Variants in LARP4B observed in about 807,000 individuals in gnomAD.
LARP4B encodes the protein la-related protein 4B.
Under a neutral mutation model 89.8 loss-of-function variants are expected in LARP4B, and 12 were observed. The ratio of observed to expected loss-of-function variants is 0.13; its 90% CI spans 0.09 to 0.22. LARP4B has a LOEUF of 0.22. Among genes scored for constraint, LARP4B ranks in the 10% least tolerant of loss-of-function variants. The pLI is 1.00. For missense variants in LARP4B, 757 were observed against 947.7 expected (o/e 0.80, Z 2.64); for synonymous variants, 367 against 363.3 (o/e 1.01, Z -0.12).
At chr10:921,329 T>C (rs968120311) in intron 1 of LARP4B, among the ~76,000 whole-genome samples, 7 of 152,152 alleles carry the variant, frequency 4.6e-5, no homozygotes, top group African/African-American at 1.7e-4. Context: ...CCAGCATTTA[T>C]TTGCCTTGCT....
intron 11 of LARP4B, among the ~76,000 whole-genome samples, 175 bp downstream of exon 11, chr10:829,210 T>C (rs563074141): frequency 1.1e-4 from 17 of 152,362 alleles, no homozygotes; most frequent in African/African-American, 4.1e-4. Flanking sequence ...TCCAAAGTTC[T>C]TTATGCATAA....
chr10:929,275 T>C (rs1449250730), intron 1 of LARP4B, among the ~76,000 whole-genome samples: 6 of 152,154 alleles, frequency 3.9e-5, no homozygotes, highest in Admixed American at 1.3e-4. Flanking sequence ...TGCTAATAGA[T>C]TGACAGCTAC....
At chr10:942,271 G>A in the LARP4B span, 6 of 152,212 alleles carry the variant, frequency 3.9e-5, no homozygotes, top group East Asian at 1.2e-3. Context: ...GAATATGGGG[G>A]TGTTGTAGGG....
rs745342799 is a variant in LARP4B at position 812,954 on chromosome 10, T to C, written c.2189A>G (p.Gln730Arg). ...CTGAGGAGACTTGGGGGGAGTGCTC[T>C]GCTCTCGGCTGAGACGCTTCCCCAT... ...SAMGKRLSRE[Q>R]STPPKSPQ Residue 730 changes from glutamine (Q) to arginine (R), a missense_variant, in exon 18 of 18, where the codon CAG becomes CGG. By Grantham distance (43) the Gln-to-Arg change is conservative. Around this residue, in one of 5 missense-constraint regions of LARP4B, gnomAD observed 387 missense variants for 423.6 expected, o/e 0.91. Coordinates refer to ENST00000316157, the MANE Select transcript of LARP4B (RefSeq NM_015155.3). 22 of 1,558,380 alleles carry C rather than the reference T, an allele frequency of 1.4e-5. No homozygotes were observed. In the East Asian group the frequency reaches 4.9e-4, roughly 35 times the overall value.
chr10:902,691 C>CTGGA (rs1157681339), intron 1 of LARP4B, among the ~76,000 whole-genome samples: 1 of 149,174 alleles, frequency 6.7e-6, no homozygotes, highest in African/African-American at 2.5e-5. Context: ...GTTGCCCAGG[C>CTGGA]TGGAGCGCAA....
intron 5 of LARP4B, among the ~76,000 whole-genome samples, chr10:848,867 T>C (rs1282763456): frequency 6.6e-6 from 1 of 152,176 alleles, no homozygotes; most frequent in Non-Finnish European, 1.5e-5. Context: ...CGCCATGACA[T>C]GGACAAACAC....
At chr10:881,854 C>T (rs146689366) in intron 3 of LARP4B, among the ~76,000 whole-genome samples, 5 of 152,296 alleles carry the variant, frequency 3.3e-5, no homozygotes, top group South Asian at 2.1e-4. Flanking sequence ...TCCTCGAAGA[C>T]GTGTATCTCA....
chr10:971,895 C>T, the LARP4B span: 56 of 153,852 alleles, frequency 3.6e-4, no homozygotes, highest in Non-Finnish European at 5.8e-5. Flanking sequence ...CTCTTGTAAC[C>T]GTGTTGGGGC....
intron 1 of LARP4B, among the ~76,000 whole-genome samples, chr10:930,520 T>C (rs1165824028): frequency 6.6e-6 from 1 of 152,090 alleles, no homozygotes; most frequent in Non-Finnish European, 1.5e-5. Context: ...ACGTTTTACG[T>C]AAAAATAAGG....
At chr10:870,884 C>T (rs1014343140) in intron 3 of LARP4B, among the ~76,000 whole-genome samples, 2 of 152,202 alleles carry the variant, frequency 1.3e-5, no homozygotes, top group African/African-American at 4.8e-5. Context: ...AACACTTGGA[C>T]TGAAATGTGG....
At position 812,955 on chromosome 10, in the gene LARP4B, G is replaced by C. The variant is rs201343796; in HGVS notation, c.2188C>G (p.Gln730Glu). Residue 730 changes from glutamine to glutamate, a missense_variant, in exon 18 of 18, where the codon CAG becomes GAG. Physicochemically the swap from Gln to Glu is conservative, Grantham distance 29. This residue lies in a region of LARP4B where 387 missense variants were observed against 423.6 expected (regional missense o/e 0.91). Transcript: ENST00000316157. ...SAMGKRLSRE[Q>E]STPPKSPQ ...TGAGGAGACTTGGGGGGAGTGCTCT[G>C]CTCTCGGCTGAGACGCTTCCCCATG... 1.3e-6 allele frequency: 2 copies of C among 1,561,682 alleles called. No individual in the cohort carries two copies. The highest frequency in any genetic ancestry group is 1.4e-5 in the African/African-American group (1 of 72,210).
At chr10:829,619 A>G (rs1418045356) in intron 10 of LARP4B, 25 bp from the exon 11 acceptor site, 3 of 1,594,728 alleles carry the variant, frequency 1.9e-6, no homozygotes, top group Non-Finnish European at 2.6e-6. Context: ...GTAAGTTTCT[A>G]TTAGAATACT....
chr10:829,463 G>C lies in LARP4B; in HGVS notation c.1047C>G (p.Pro349=), dbSNP rs1287722335. 6.2e-7 allele frequency: 1 copy of C among 1,614,176 alleles called. No individual in the cohort carries two copies. ...GGCTGTACAGGGGGAACTGCTGCTG[G>C]GGGCTGTACATGGGAGGGAAGTAGA... ...TSFYFPPMYS[P]QQQFPLYSLI... is the part of the protein sequence containing the mutation. Residue 349 remains proline, a synonymous_variant, in exon 11 of 18, where the codon CCC becomes CCG. Transcript: ENST00000316157.
At position 814,523 on chromosome 10, in the gene LARP4B, G is replaced by C. The variant is rs1831917390; in HGVS notation, c.1929+219C>G. On this transcript the variant is annotated intron_variant, in intron 17 of 17. Transcript: ENST00000316157. The surrounding 1 kb of genome is among the most constrained non-coding windows in gnomAD (Gnocchi z 4.4). ...TCTATTGACCAACACTGAAATAAAA[G>C]GACTACATGGTGGTCTGAGAAAGAA... 7.4e-6 allele frequency: 7 copies of C among 949,692 alleles called. No homozygotes were observed. The highest frequency in any genetic ancestry group is 1.1e-5 in the Non-Finnish European group (7 of 628,054). The allele number at this position is 949,692 out of a possible 1,614,324, so 58.8% of individuals were successfully genotyped here.
At chr10:875,715 A>C (rs944921693) in intron 3 of LARP4B, among the ~76,000 whole-genome samples, 1 of 152,214 alleles carries the variant, frequency 6.6e-6, no homozygotes, top group African/African-American at 2.4e-5. Context: ...AATGGCACTC[A>C]TCCACTCCTC....
At chr10:922,836 GC>G (rs2132051689) in intron 1 of LARP4B, among the ~76,000 whole-genome samples, 1 of 152,330 alleles carries the variant, frequency 6.6e-6, no homozygotes, top group South Asian at 2.1e-4. Flanking sequence ...ACTTTGGGAG[GC>G]CAAGGCAGGC....
chr10:914,068 G>A (rs1208550690), intron 1 of LARP4B, among the ~76,000 whole-genome samples: 1 of 151,922 alleles, frequency 6.6e-6, no homozygotes, highest in African/African-American at 2.4e-5. Flanking sequence ...TCATTTATAG[G>A]GTACAGAAAA....
At chr10:877,487 T>C (rs1835504176) in intron 3 of LARP4B, among the ~76,000 whole-genome samples, 1 of 152,232 alleles carries the variant, frequency 6.6e-6, no homozygotes, top group Admixed American at 6.5e-5. Context: ...CGGTGCCAAA[T>C]ACAAAGTATT....
chr10:852,960 A>G (rs1034266826), intron 5 of LARP4B, among the ~76,000 whole-genome samples: 1 of 152,254 alleles, frequency 6.6e-6, no homozygotes, highest in African/African-American at 2.4e-5. Flanking sequence ...GAGAGAAATT[A>G]AAGATCTAAA....
Sources: gnomAD v4.1 joint callset for allele counts (sites outside exome capture counted in the v4.1 genomes callset) on GRCh38, gnomAD v4.1.1 for gene constraint, gnomAD v4.1.1 regional missense constraint, Gnocchi (gnomAD v3.1) non-coding constraint, MANE v1.5 for transcripts, NCBI Gene and HGNC (gene_info 2026-07-23, HGNC 2026-07-21) for gene names.